CELF2: variants seen among roughly 807,000 people sequenced by gnomAD.
CELF2 encodes CUG triplet repeat RNA-binding protein 2.
A neutral mutation model predicts 62.6 loss-of-function variants in CELF2; 8 were observed. The ratio of observed to expected loss-of-function variants is 0.13; its 90% CI spans 0.07 to 0.23. The LOEUF (loss-of-function observed/expected upper bound fraction) is 0.23. Among genes scored for constraint, CELF2 ranks in the 10% least tolerant of loss-of-function variants. The probability of loss-of-function intolerance (pLI) is 1.00; values close to 1 mark genes in which losing one functional copy is unlikely to be tolerated. For missense variants in CELF2, 333 were observed against 671.0 expected, an observed-to-expected ratio of 0.50 and a Z score of 5.56; for synonymous variants, 258 against 250.0, an observed-to-expected ratio of 1.03 and a Z score of -0.30.
At chr10:10,683,129 A>ATCC in the CELF2 span, among the ~76,000 whole-genome samples, 3 of 152,216 alleles carry the variant, frequency 2.0e-5, no homozygotes, top group Non-Finnish European at 4.4e-5. Flanking sequence ...CATTTTCCCT[A>ATCC]CTATAGTATT....
chr10:10,962,418 C>A (rs1338807003), intron 2 of CELF2, among the ~76,000 whole-genome samples: 1 of 152,074 alleles, frequency 6.6e-6, no homozygotes, highest in African/African-American at 2.4e-5. Context: ...ACAAAGTATA[C>A]CATAACGAGA....
the CELF2 span, among the ~76,000 whole-genome samples, chr10:10,563,509 G>A: frequency 1.3e-5 from 2 of 151,506 alleles, no homozygotes; most frequent in African/African-American, 2.4e-5. Flanking sequence ...TTGGAAGGCT[G>A]AGGCAGGAGA....
At chr10:11,310,923 G>A (rs2094530143) in intron 9 of CELF2, among the ~76,000 whole-genome samples, 1 of 152,124 alleles carries the variant, frequency 6.6e-6, no homozygotes, top group African/African-American at 2.4e-5. Context: ...AAGTGAAAGA[G>A]GAAACTCAGA....
At chr10:11,264,816 T>C (rs2081697676) in intron 5 of CELF2, among the ~76,000 whole-genome samples, 1 of 152,186 alleles carries the variant, frequency 6.6e-6, no homozygotes, top group Non-Finnish European at 1.5e-5. Flanking sequence ...CGTGTTCAGA[T>C]AGTAAGCTTC....
chr10:10,612,016 C>G, the CELF2 span, among the ~76,000 whole-genome samples: 1 of 152,138 alleles, frequency 6.6e-6, no homozygotes, highest in African/African-American at 2.4e-5. Flanking sequence ...GAGGATCACC[C>G]TCTCTACTGG....
chr10:10,498,489 G>A, the CELF2 span, among the ~76,000 whole-genome samples: 1 of 152,216 alleles, frequency 6.6e-6, no homozygotes, highest in Non-Finnish European at 1.5e-5. Flanking sequence ...GTGGTTAAAA[G>A]GACAGTAAGA....
At chr10:11,257,120 G>A (rs2079008753) in intron 4 of CELF2, among the ~76,000 whole-genome samples, 2 of 152,090 alleles carry the variant, frequency 1.3e-5, no homozygotes, top group African/African-American at 2.4e-5. Context: ...TCACGGGAAA[G>A]AGGTACTTTC....
chr10:10,617,199 T>A, the CELF2 span, among the ~76,000 whole-genome samples: 1 of 152,134 alleles, frequency 6.6e-6, no homozygotes, highest in African/African-American at 2.4e-5. Context: ...TTTGGGAATA[T>A]GAGTTTGCAA....
the CELF2 span, among the ~76,000 whole-genome samples, chr10:10,759,493 A>G: frequency 4.0e-5 from 6 of 151,720 alleles, no homozygotes; most frequent in African/African-American, 1.5e-4. Context: ...TATTTTTAGT[A>G]GAGACAGGGT....
intron 1 of CELF2, among the ~76,000 whole-genome samples, chr10:10,877,591 C>G (rs2061187515): frequency 6.6e-6 from 1 of 152,258 alleles, no homozygotes; most frequent in African/African-American, 2.4e-5. Context: ...CAGTTCCCCA[C>G]TTGACTTTTC....
At chr10:10,469,609 C>T in the CELF2 span, among the ~76,000 whole-genome samples, 7 of 151,776 alleles carry the variant, frequency 4.6e-5, no homozygotes, top group African/African-American at 1.7e-4. Flanking sequence ...TGTCACCTTG[C>T]CTTCTTGTAA....
chr10:10,758,962 G>C, the CELF2 span, among the ~76,000 whole-genome samples: 1 of 152,288 alleles, frequency 6.6e-6, no homozygotes, highest in East Asian at 1.9e-4. Context: ...TGCTAGGAGA[G>C]CTTCCCTATC....
chr10:11,019,991 A>G (rs2058050186), intron 1 of CELF2, among the ~76,000 whole-genome samples: 2 of 152,342 alleles, frequency 1.3e-5, no homozygotes, highest in African/African-American at 4.8e-5. Flanking sequence ...TGAATGCTCT[A>G]TGAATTTAAA....
chr10:11,125,431 T>C (rs946827956), intron 1 of CELF2, among the ~76,000 whole-genome samples: 2 of 137,088 alleles, frequency 1.5e-5, no homozygotes, highest in African/African-American at 5.6e-5. Context: ...AGGTTTAGGG[T>C]AGTAACTGGA....
intron 1 of CELF2, among the ~76,000 whole-genome samples, chr10:10,884,037 C>A (rs944295387): frequency 1.3e-5 from 2 of 152,052 alleles, no homozygotes; most frequent in African/African-American, 4.8e-5. Context: ...TCTTCCTCCT[C>A]TTTGTCAGGA....
At chr10:10,958,926 A>G (rs993099316) in intron 2 of CELF2, among the ~76,000 whole-genome samples, 16 of 152,182 alleles carry the variant, frequency 1.1e-4, no homozygotes, top group Admixed American at 8.5e-4. Flanking sequence ...GTTGACATTT[A>G]CAAGATAAGG....
At chr10:10,621,050 C>A in the CELF2 span, among the ~76,000 whole-genome samples, 1 of 149,868 alleles carries the variant, frequency 6.7e-6, no homozygotes, top group South Asian at 2.1e-4. Context: ...GGTGAAACCC[C>A]GTCTCCACTA....
the CELF2 span, among the ~76,000 whole-genome samples, chr10:10,712,338 C>G: frequency 6.6e-6 from 1 of 152,038 alleles, no homozygotes; most frequent in Non-Finnish European, 1.5e-5. Context: ...TTCAGTAGCA[C>G]TTGTCATGGT....
chr10:11,188,953 T>C (rs528436527), intron 2 of CELF2, among the ~76,000 whole-genome samples: 1 of 152,346 alleles, frequency 6.6e-6, no homozygotes, highest in Admixed American at 6.5e-5. Context: ...TTTTAATCTC[T>C]AGAAGTCCGT....
Sources: gnomAD v4.1 joint callset for allele counts (sites outside exome capture counted in the v4.1 genomes callset) on GRCh38, gnomAD v4.1.1 for gene constraint, MANE v1.5 for transcripts, NCBI Gene and HGNC (gene_info 2026-07-23, HGNC 2026-07-21) for gene names.